The following DRD3 variants were observed in gnomAD, a reference collection of about 807,000 sequenced individuals.
The protein encoded by DRD3 is D(3) dopamine receptor.
In DRD3, 19 loss-of-function variants were observed where a neutral mutation model predicts 36.3. The ratio of observed to expected loss-of-function variants is 0.52; its 90% CI spans 0.36 to 0.77. DRD3 has a LOEUF of 0.77. Ranked by LOEUF, DRD3 falls within the 30% of genes least tolerant of loss-of-function variation. DRD3 has a pLI of 0.00. For synonymous variants in DRD3, 195 were observed against 203.7 expected (o/e 0.96, Z 0.36); for missense variants, 465 against 505.3 (o/e 0.92, Z 0.77).
intron 2 of DRD3, among the ~76,000 whole-genome samples, chr3:114,162,936 G>T (rs1247545737): frequency 6.6e-6 from 1 of 152,192 alleles, no homozygotes; most frequent in African/African-American, 2.4e-5. Flanking sequence ...AATAGTGCAA[G>T]AGACAGTGGT....
chr3:114,154,893 G>A (rs2077651090), intron 3 of DRD3, among the ~76,000 whole-genome samples: 1 of 152,156 alleles, frequency 6.6e-6, no homozygotes, highest in Admixed American at 6.5e-5. Context: ...CTGGCTCCCT[G>A]GGGAGGCAAG....
At chr3:114,176,776 C>T (rs1185861241) in intron 1 of DRD3, among the ~76,000 whole-genome samples, 1 of 152,152 alleles carries the variant, frequency 6.6e-6, no homozygotes, top group African/African-American at 2.4e-5. Context: ...GACCACCAGT[C>T]GCCAGAGCTT....
chr3:114,149,998 C>A (rs767346237), intron 3 of DRD3, among the ~76,000 whole-genome samples: 68 of 152,196 alleles, frequency 4.5e-4, no homozygotes, highest in Non-Finnish European at 7.2e-4. Context: ...ACAGACTCTG[C>A]AAGATAAAAA....
At chr3:114,138,484 A>G (rs913035430) in intron 5 of DRD3, among the ~76,000 whole-genome samples, 4 of 152,148 alleles carry the variant, frequency 2.6e-5, no homozygotes, top group African/African-American at 9.7e-5. Flanking sequence ...TCATAAAACC[A>G]TCAGATCTCG....
At chr3:114,147,359 T>G (rs906906888) in intron 4 of DRD3, 56 bp downstream of exon 4, 1 of 1,584,368 alleles carries the variant, frequency 6.3e-7, no homozygotes, top group Non-Finnish European at 8.6e-7. Context: ...TCACAGCCAG[T>G]CATTCAGCTG....
At chr3:114,196,513 A>G (rs995971848) in intron 1 of DRD3, among the ~76,000 whole-genome samples, 6 of 152,162 alleles carry the variant, frequency 3.9e-5, no homozygotes, top group Non-Finnish European at 5.9e-5. Context: ...AATAAATACT[A>G]AGGCATGGAA....
chr3:114,189,320 C>A (rs1385087986), intron 1 of DRD3, among the ~76,000 whole-genome samples: 1 of 152,166 alleles, frequency 6.6e-6, no homozygotes, highest in African/African-American at 2.4e-5. Context: ...TGGCAAGTAG[C>A]TGAAAGATCA....
intron 3 of DRD3, among the ~76,000 whole-genome samples, chr3:114,158,277 A>G (rs111688615): frequency 0.035 from 5,334 of 152,054 alleles, 313 homozygotes; most frequent in African/African-American, 0.12. Context: ...AAGGAATATA[A>G]TTGCATAAGT....
chr3:114,187,227 G>T (rs1185195955), intron 1 of DRD3, among the ~76,000 whole-genome samples: 1 of 152,134 alleles, frequency 6.6e-6, no homozygotes, highest in Non-Finnish European at 1.5e-5. Context: ...AGAAATAAAC[G>T]ATCATTATTT....
At chr3:114,134,894 T>C (rs1313584252) in intron 5 of DRD3, among the ~76,000 whole-genome samples, 1 of 152,246 alleles carries the variant, frequency 6.6e-6, no homozygotes, top group Non-Finnish European at 1.5e-5. Context: ...AGGCTAGTCA[T>C]CACTTCAAAC....
intron 3 of DRD3, among the ~76,000 whole-genome samples, chr3:114,152,712 C>A (rs1020334957): frequency 6.6e-5 from 10 of 152,286 alleles, no homozygotes; most frequent in Middle Eastern, 6.8e-3. Flanking sequence ...GAGGGAAAGC[C>A]CGGCGCCCTG....
intron 3 of DRD3, among the ~76,000 whole-genome samples, chr3:114,155,335 T>C (rs1300519057): frequency 6.6e-6 from 1 of 152,116 alleles, no homozygotes; most frequent in Admixed American, 6.5e-5. Context: ...TGGTGAGAAT[T>C]CATTGGCCCA....
At chr3:114,172,536 C>A (rs920981707) in intron 1 of DRD3, among the ~76,000 whole-genome samples, 14 of 152,036 alleles carry the variant, frequency 9.2e-5, no homozygotes, top group African/African-American at 3.1e-4. Flanking sequence ...AGGCTGGAGC[C>A]AAGTGAGGCA....
chr3:114,187,240 G>T (rs1306893653), intron 1 of DRD3, among the ~76,000 whole-genome samples: 1 of 152,146 alleles, frequency 6.6e-6, no homozygotes, highest in Non-Finnish European at 1.5e-5. Flanking sequence ...CATTATTTTT[G>T]TCGTAAGTTG....
intron 1 of DRD3, among the ~76,000 whole-genome samples, chr3:114,184,142 CT>C (rs2077962410): frequency 6.6e-6 from 1 of 151,928 alleles, no homozygotes; most frequent in East Asian, 1.9e-4. Context: ...TTAACTATTT[CT>C]TTTTGGTTGC....
chr3:114,162,749 C>T (rs964790589), intron 2 of DRD3, among the ~76,000 whole-genome samples: 3 of 152,062 alleles, frequency 2.0e-5, no homozygotes, highest in Admixed American at 6.5e-5. Flanking sequence ...ACACACCCTG[C>T]TATAGGGAAG....
At chr3:114,129,253 G>T (rs764329888) in intron 6 of DRD3, among the ~76,000 whole-genome samples, 9 of 152,110 alleles carry the variant, frequency 5.9e-5, no homozygotes, top group Admixed American at 2.6e-4. Flanking sequence ...TGGGGCAGGA[G>T]AGTTGCTTGA....
intron 1 of DRD3, among the ~76,000 whole-genome samples, chr3:114,184,240 TC>T (rs1419240734): frequency 6.6e-6 from 1 of 152,176 alleles, no homozygotes. Flanking sequence ...AAATATCTGG[TC>T]CTCTACTATT....
intron 2 of DRD3, among the ~76,000 whole-genome samples, chr3:114,165,107 T>C (rs899731857): frequency 1.3e-5 from 2 of 152,246 alleles, no homozygotes; most frequent in Non-Finnish European, 2.9e-5. Flanking sequence ...GATATCAGTT[T>C]TATTGAAATA....
Sources: gnomAD v4.1 joint callset for allele counts (sites outside exome capture counted in the v4.1 genomes callset) on GRCh38, gnomAD v4.1.1 for gene constraint, MANE v1.5 for transcripts, NCBI Gene and HGNC (gene_info 2026-07-23, HGNC 2026-07-21) for gene names.